The following TBCK variants were observed in gnomAD, a reference collection of about 807,000 sequenced individuals.
The protein encoded by TBCK is TBC1 domain containing kinase.
Under a neutral mutation model 113.4 loss-of-function variants are expected in TBCK, and 99 were observed. The ratio of observed to expected loss-of-function variants is 0.87; its 90% CI spans 0.74 to 1.03. TBCK has a LOEUF of 1.03. Among genes scored for constraint, TBCK ranks in the 50% least tolerant of loss-of-function variants. TBCK has a pLI of 0.00. For synonymous variants in TBCK, 369 were observed against 370.8 expected, an observed-to-expected ratio of 1.00 and a Z score of 0.05; for missense variants, 1,045 against 1,061.3, an observed-to-expected ratio of 0.98 and a Z score of 0.21.
intron 1 of TBCK, among the ~76,000 whole-genome samples, chr4:106,313,686 T>C (rs912634744): frequency 3.3e-5 from 5 of 152,210 alleles, no homozygotes; most frequent in Non-Finnish European, 5.9e-5. Context: ...CTGTTCAAAT[T>C]AAACAGAAAG....
chr4:106,282,133 G>A (rs979127737), intron 3 of TBCK, among the ~76,000 whole-genome samples: 1 of 151,990 alleles, frequency 6.6e-6, no homozygotes, highest in African/African-American at 2.4e-5. Context: ...TTCAATCTTG[G>A]TAGGTTGCAT....
chr4:106,108,920 A>C (rs1742502523), intron 24 of TBCK, among the ~76,000 whole-genome samples: 1 of 149,856 alleles, frequency 6.7e-6, no homozygotes, highest in Non-Finnish European at 1.5e-5. Context: ...CAGGATACAA[A>C]AGCAATGTAC....
intron 23 of TBCK, among the ~76,000 whole-genome samples, chr4:106,120,090 C>T (rs930760471): frequency 2.0e-5 from 3 of 152,174 alleles, no homozygotes; most frequent in African/African-American, 2.4e-5. Context: ...AGACAGTGGG[C>T]GCAGGTAAAT....
At chr4:106,192,175 C>A (rs1017235111) in intron 22 of TBCK, among the ~76,000 whole-genome samples, 2 of 152,034 alleles carry the variant, frequency 1.3e-5, no homozygotes, top group Non-Finnish European at 2.9e-5. Flanking sequence ...TGCCACTAAT[C>A]TCCCTATAAA....
At position 106,242,495 on chromosome 4, in the gene TBCK, G is replaced by A. The variant is rs778507607; in HGVS notation, c.1145C>T (p.Thr382Ile). The change falls in exon 12 of 26, where the codon ACA (threonine) becomes ATA (isoleucine). Residue 382 changes from threonine to isoleucine, a missense_variant. Transcript: ENST00000394708. The stretch of plus-strand genomic sequence containing the variant: ...ATTTCTTAGCTGGCATAACGACAAT[G>A]TCACAGTGGTATCATCTAAAAGCGA... ...RSSLLDDTTV[T>I]LSLCQLRNRL... 1 of 1,606,338 alleles carries A rather than the reference G, an allele frequency of 6.2e-7. No individual in the cohort carries two copies. The highest frequency in any genetic ancestry group is 1.1e-5 in the South Asian group (1 of 89,714).
chr4:106,163,665 G>A (rs2149713746), intron 23 of TBCK: 1 of 152,280 alleles, frequency 6.6e-6, no homozygotes, highest in African/African-American at 2.4e-5. Flanking sequence ...AAGCAAAGGA[G>A]AAAGTCCATT....
At chr4:106,116,121 T>C in intron 24 of TBCK, 82 bp downstream of exon 24, 1 of 1,379,872 alleles carries the variant, frequency 7.2e-7, no homozygotes. Context: ...AATTTTTTTT[T>C]TTTAACCACA....
chr4:106,278,919 T>C (rs1764298789), intron 3 of TBCK, among the ~76,000 whole-genome samples: 1 of 151,906 alleles, frequency 6.6e-6, no homozygotes, highest in South Asian at 2.1e-4. Flanking sequence ...CAAAATAAAA[T>C]GAAACAACAA....
At chr4:106,101,758 T>C (rs768617647) in intron 24 of TBCK, among the ~76,000 whole-genome samples, 2 of 152,312 alleles carry the variant, frequency 1.3e-5, no homozygotes, top group South Asian at 2.1e-4. Context: ...CTTTAAAGTA[T>C]TGCTGTTTAC....
Position 106,046,581 on chromosome 4 carries a change from G to A in TBCK, c.2671C>T (p.Pro891Ser), listed in dbSNP as rs1294090101. 1.3e-6 allele frequency: 2 copies of A among 1,592,504 alleles called. No individual in the cohort carries two copies. Among genetic ancestry groups the A allele is most frequent in the Non-Finnish European group, 1.7e-6 (2 of 1,160,672 alleles). Reference protein sequence around the residue: ...KPTGLLTIPSPQI With the variant: ...KPTGLLTIPSSQI ...ACACTCTTGGTTCTTCATATTTGAG[G>A]AGATGGGATGGTGAGGAGGCCTGTT... Residue 891 changes from proline to serine, a missense_variant, in exon 26 of 26, where the codon CCT becomes TCT. By Grantham distance (74) the Pro-to-Ser change is moderately conservative. Coordinates refer to ENST00000394708, the MANE Select transcript of TBCK (RefSeq NM_001163435.3).
At chr4:106,145,209 T>A (rs774015159) in intron 23 of TBCK, among the ~76,000 whole-genome samples, 7 of 151,864 alleles carry the variant, frequency 4.6e-5, no homozygotes, top group Non-Finnish European at 8.8e-5. Context: ...TCCCAGCTAC[T>A]TGTGAGGCTG....
chr4:106,123,796 A>G (rs1578973897), intron 23 of TBCK, among the ~76,000 whole-genome samples: 1 of 149,750 alleles, frequency 6.7e-6, no homozygotes, highest in Non-Finnish European at 1.5e-5. Flanking sequence ...CTGGCTAGCC[A>G]TATGTAGAAA....
At chr4:106,282,695 C>A (rs1458775911) in intron 3 of TBCK, among the ~76,000 whole-genome samples, 1 of 151,958 alleles carries the variant, frequency 6.6e-6, no homozygotes, top group Non-Finnish European at 1.5e-5. Flanking sequence ...CACATTGCTA[C>A]AAATACCAAG....
At chr4:106,072,866 G>A (rs1352626757) in intron 25 of TBCK, among the ~76,000 whole-genome samples, 1 of 151,744 alleles carries the variant, frequency 6.6e-6, no homozygotes, top group Non-Finnish European at 1.5e-5. Context: ...TCACTGATAC[G>A]CTTCTTTCCA....
intron 25 of TBCK, among the ~76,000 whole-genome samples, chr4:106,053,156 G>T (rs944415825): frequency 6.6e-6 from 1 of 151,430 alleles, no homozygotes; most frequent in Non-Finnish European, 1.5e-5. Flanking sequence ...GTTGAGTCAG[G>T]ATCCAAACAA....
chr4:106,079,388 T>C (rs1183071985), intron 25 of TBCK, among the ~76,000 whole-genome samples: 1 of 152,194 alleles, frequency 6.6e-6, no homozygotes, highest in Non-Finnish European at 1.5e-5. Flanking sequence ...AAATAATCTT[T>C]CTTCACAGAT....
chr4:106,102,891 C>A (rs903180177), intron 24 of TBCK, among the ~76,000 whole-genome samples: 3 of 152,012 alleles, frequency 2.0e-5, no homozygotes, highest in Admixed American at 2.0e-4. Flanking sequence ...AAAACTATTT[C>A]AAAAATATCC....
chr4:106,293,877 T>C (rs970835259), intron 3 of TBCK, among the ~76,000 whole-genome samples: 4 of 152,232 alleles, frequency 2.6e-5, no homozygotes, highest in Non-Finnish European at 5.9e-5. Context: ...AGATGTTTTA[T>C]TGGTTTAATA....
intron 12 of TBCK, 27 bp from the exon 13 acceptor site, chr4:106,236,835 T>C (rs1362402347): frequency 4.4e-6 from 6 of 1,366,800 alleles, no homozygotes; most frequent in Admixed American, 2.5e-5. Context: ...AAAATATTTA[T>C]GTATAAACAT....
Sources: gnomAD v4.1 joint callset for allele counts (sites outside exome capture counted in the v4.1 genomes callset) on GRCh38, gnomAD v4.1.1 for gene constraint, MANE v1.5 for transcripts, NCBI Gene and HGNC (gene_info 2026-07-23, HGNC 2026-07-21) for gene names.